The following RABGAP1L variants were observed in gnomAD, a reference collection of about 807,000 sequenced individuals.
RABGAP1L encodes the protein rab GTPase-activating protein 1-like.
RABGAP1L carries 63 observed loss-of-function variants against 137.7 expected under a neutral mutation model. The observed-to-expected ratio is 0.46, with a 90% CI of 0.37 to 0.56. The LOEUF is 0.56. Ranked by LOEUF, RABGAP1L falls within the 20% of genes least tolerant of loss-of-function variation. The probability of loss-of-function intolerance (pLI) is 0.00; values close to 1 mark genes in which losing one functional copy is unlikely to be tolerated. For missense variants in RABGAP1L, 1,095 were observed against 1,244.0 expected (o/e 0.88, Z 1.80); for synonymous variants, 431 against 433.7 (o/e 0.99, Z 0.08).
intron 19 of RABGAP1L, among the ~76,000 whole-genome samples, chr1:174,890,865 T>G (rs1322503784): frequency 6.6e-6 from 1 of 152,218 alleles, no homozygotes; most frequent in Non-Finnish European, 1.5e-5. Flanking sequence ...CTATAATATG[T>G]GTAACCAACT....
At chr1:174,422,945 CAAAAAAAA>C (rs202100563) in intron 13 of RABGAP1L, among the ~76,000 whole-genome samples, 3 of 79,646 alleles carry the variant, frequency 3.8e-5, no homozygotes, top group East Asian at 3.1e-4. Flanking sequence ...AGATTCTGTC[CAAAAAAAA>C]AAAAAAAAAA....
chr1:174,275,040 C>T (rs866995383), intron 8 of RABGAP1L: 11 of 152,158 alleles, frequency 7.2e-5, no homozygotes, highest in South Asian at 4.1e-4. Flanking sequence ...AACTCTACCC[C>T]TCCTCTCTCC....
At chr1:174,783,394 T>C (rs1194523946) in intron 18 of RABGAP1L, among the ~76,000 whole-genome samples, 1 of 152,102 alleles carries the variant, frequency 6.6e-6, no homozygotes, top group African/African-American at 2.4e-5. Context: ...CCTACCATGT[T>C]GGGAGCAGCC....
chr1:174,952,724 G>C (rs944303600), intron 19 of RABGAP1L, among the ~76,000 whole-genome samples: 3 of 151,944 alleles, frequency 2.0e-5, no homozygotes, highest in Non-Finnish European at 2.9e-5. Flanking sequence ...CAAGTAGCTG[G>C]GTCTACAGGC....
At chr1:174,721,035 A>T (rs1441562259) in intron 17 of RABGAP1L, among the ~76,000 whole-genome samples, 1 of 152,250 alleles carries the variant, frequency 6.6e-6, no homozygotes, top group Non-Finnish European at 1.5e-5. Flanking sequence ...CTAGAAATCT[A>T]CAAGTTTAAC....
chr1:174,741,756 G>T (rs1683423469), intron 17 of RABGAP1L, among the ~76,000 whole-genome samples: 1 of 144,440 alleles, frequency 6.9e-6, no homozygotes, highest in African/African-American at 2.6e-5. Flanking sequence ...ACTGGTCTAT[G>T]TGGCTACTTT....
At chr1:174,866,872 C>T (rs939761069) in intron 19 of RABGAP1L, among the ~76,000 whole-genome samples, 3 of 151,946 alleles carry the variant, frequency 2.0e-5, no homozygotes, top group Non-Finnish European at 4.4e-5. Context: ...GTGATCGTGC[C>T]ACTGCACTCC....
chr1:174,947,586 GT>G (rs2149314429), intron 19 of RABGAP1L, among the ~76,000 whole-genome samples: 1 of 149,764 alleles, frequency 6.7e-6, no homozygotes, highest in East Asian at 2.0e-4. Flanking sequence ...CCTGGCTAAT[GT>G]TTTTGTATTT....
At chr1:174,858,759 G>A (rs909914302) in intron 19 of RABGAP1L, among the ~76,000 whole-genome samples, 3 of 152,078 alleles carry the variant, frequency 2.0e-5, no homozygotes, top group Non-Finnish European at 2.9e-5. Context: ...CTTAAGTCTG[G>A]CCTGAGACAC....
intron 17 of RABGAP1L, among the ~76,000 whole-genome samples, chr1:174,727,764 G>A (rs1022891296): frequency 1.3e-5 from 2 of 152,114 alleles, no homozygotes; most frequent in Non-Finnish European, 2.9e-5. Flanking sequence ...CAATGTATAT[G>A]TTTTGAAACA....
At chr1:174,425,239 G>A (rs1651813864) in intron 13 of RABGAP1L, among the ~76,000 whole-genome samples, 1 of 151,886 alleles carries the variant, frequency 6.6e-6, no homozygotes, top group African/African-American at 2.4e-5. Flanking sequence ...TTGTGTCTCA[G>A]CCCACATTTA....
At chr1:174,867,828 A>T (rs1430403633) in intron 19 of RABGAP1L, among the ~76,000 whole-genome samples, 3 of 152,172 alleles carry the variant, frequency 2.0e-5, no homozygotes, top group Admixed American at 1.3e-4. Context: ...TATTTTTAGT[A>T]GAGATGGGGT....
At chr1:174,725,475 C>T (rs1343574795) in intron 17 of RABGAP1L, among the ~76,000 whole-genome samples, 1 of 152,026 alleles carries the variant, frequency 6.6e-6, no homozygotes, top group Non-Finnish European at 1.5e-5. Flanking sequence ...CATTTTTCTC[C>T]CCCATAAGTT....
chr1:174,322,924 C>A (rs997581478), intron 11 of RABGAP1L, among the ~76,000 whole-genome samples: 1 of 152,024 alleles, frequency 6.6e-6, no homozygotes, highest in East Asian at 1.9e-4. Flanking sequence ...AAGCATCTAA[C>A]AGAAAGTTAC....
At chr1:174,649,516 T>C (rs1331266481) in intron 14 of RABGAP1L, among the ~76,000 whole-genome samples, 1 of 152,154 alleles carries the variant, frequency 6.6e-6, no homozygotes, top group African/African-American at 2.4e-5. Context: ...TTAAGAATGT[T>C]GAATATTGGC....
chr1:174,953,412 G>A (rs960398381), intron 19 of RABGAP1L, among the ~76,000 whole-genome samples: 2 of 152,190 alleles, frequency 1.3e-5, no homozygotes, highest in Non-Finnish European at 2.9e-5. Context: ...GTCTTTTACT[G>A]TTATTGAAGG....
At chr1:174,300,472 T>C (rs1677574557) in intron 10 of RABGAP1L, among the ~76,000 whole-genome samples, 1 of 136,846 alleles carries the variant, frequency 7.3e-6, no homozygotes, top group South Asian at 2.2e-4. Flanking sequence ...GAGGTTGCAG[T>C]GAGCCGAGAA....
At chr1:174,208,851 T>G (rs1246673807) in intron 1 of RABGAP1L, among the ~76,000 whole-genome samples, 2 of 152,188 alleles carry the variant, frequency 1.3e-5, no homozygotes, top group Non-Finnish European at 2.9e-5. Flanking sequence ...TTTAAATGTT[T>G]GGTGGAGTTT....
chr1:174,432,334 C>G (rs544830777), intron 13 of RABGAP1L, among the ~76,000 whole-genome samples: 1 of 152,202 alleles, frequency 6.6e-6, no homozygotes, highest in South Asian at 2.1e-4. Flanking sequence ...CTGTGTACCA[C>G]ATTTCTTTGT....
Sources: allele counts gnomAD v4.1 joint callset (sites outside exome capture counted in the v4.1 genomes callset), GRCh38; gene constraint gnomAD v4.1.1; transcripts MANE v1.5; gene names NCBI Gene and HGNC (gene_info 2026-07-23, HGNC 2026-07-21).